Variants in ADAMTSL1 observed in about 807,000 individuals in gnomAD.
ADAMTSL1 encodes the protein ADAMTS like 1, also known as ADAMTS-like protein 1.
A neutral mutation model predicts 201.8 loss-of-function variants in ADAMTSL1; 126 were observed. The observed-to-expected ratio is 0.62, with a 90% CI of 0.54 to 0.72. The LOEUF is 0.72. Ranked by LOEUF, ADAMTSL1 falls within the 30% of genes least tolerant of loss-of-function variation. ADAMTSL1 has a pLI of 0.00. For synonymous variants in ADAMTSL1, 1,121 were observed against 903.4 expected (o/e 1.24, Z -4.32); for missense variants, 2,679 against 2,277.8 (o/e 1.18, Z -3.59).
intron 2 of ADAMTSL1, among the ~76,000 whole-genome samples, chr9:18,223,916 G>T (rs1385261956): frequency 6.6e-6 from 1 of 151,992 alleles, no homozygotes; most frequent in African/African-American, 2.4e-5. Flanking sequence ...TTTTCCTCTG[G>T]TAGGCATTTG....
intron 1 of ADAMTSL1, among the ~76,000 whole-genome samples, chr9:17,973,502 C>G (rs112439535): frequency 0.086 from 9,577 of 110,820 alleles, 496 homozygotes; most frequent in Middle Eastern, 0.17. Context: ...TCTGAGGGCT[C>G]TGTTCTGTTC....
At chr9:18,654,984 G>A (rs907854541) in intron 7 of ADAMTSL1, among the ~76,000 whole-genome samples, 5 of 152,316 alleles carry the variant, frequency 3.3e-5, no homozygotes, top group Non-Finnish European at 4.4e-5. Context: ...TGAGAGCAGC[G>A]ACTGAACAGC....
chr9:18,232,858 A>T (rs780421695), intron 2 of ADAMTSL1, among the ~76,000 whole-genome samples: 5 of 152,186 alleles, frequency 3.3e-5, no homozygotes, highest in Admixed American at 1.3e-4. Context: ...ACAACAAACT[A>T]CTTTGATATT....
rs560378704 is a variant in ADAMTSL1 at position 18,637,761 on chromosome 9, C to G, written c.677-1493C>G. ...TGCTCTTCACTCCCAGAAGCTGGTA[C>G]AGTGTGAAACCAACCTTAAATATTT... On this transcript the variant is annotated intron_variant, in intron 6 of 28. Coordinates refer to ENST00000380548, the MANE Select transcript of ADAMTSL1 (RefSeq NM_001040272.6). Among the ~76,000 whole-genome samples the G allele has an allele frequency of 9.2e-5, 14 of 152,124 alleles. No homozygotes were observed. In the South Asian group the frequency reaches 2.9e-3, roughly 32 times the overall value.
At position 18,001,558 on chromosome 9, in the gene ADAMTSL1, G is replaced by T. The variant is rs1819612591; in HGVS notation, c.87+94636G>T. The stretch of plus-strand genomic sequence containing the variant: ...TAATCTTAGAACGGGCTGATTCAAA[G>T]AAGGTTTCCAGGAAGAAAAATCTCC... On this transcript the variant is annotated intron_variant, in intron 1 of 29. Transcript: ENST00000680146. 2.0e-5 allele frequency among the ~76,000 whole-genome samples: 3 copies of T among 152,098 alleles called. No homozygotes were observed. The South Asian group carries it at 6.2e-4, about 32-fold the overall frequency.
At chr9:18,425,859 G>GAAAAAAAA (rs71304881) in intron 2 of ADAMTSL1, among the ~76,000 whole-genome samples, 1 of 94,608 alleles carries the variant, frequency 1.1e-5, no homozygotes, top group African/African-American at 4.4e-5. Context: ...CCTGTCTCAA[G>GAAAAAAAA]AAAAAAAAAA....
chr9:18,893,769 G>C (rs1829442407), intron 26 of ADAMTSL1, among the ~76,000 whole-genome samples: 3 of 152,184 alleles, frequency 2.0e-5, no homozygotes, highest in African/African-American at 7.2e-5. Flanking sequence ...TTCCACTCCT[G>C]TGAGACACAA....
At chr9:18,117,080 T>C (rs1825283306) in intron 1 of ADAMTSL1, among the ~76,000 whole-genome samples, 1 of 152,204 alleles carries the variant, frequency 6.6e-6, no homozygotes, top group South Asian at 2.1e-4. Context: ...CTTTAGAATA[T>C]GTCCAGAATC....
chr9:18,557,182 G>A (rs1821158138), intron 3 of ADAMTSL1, among the ~76,000 whole-genome samples: 1 of 151,888 alleles, frequency 6.6e-6, no homozygotes, highest in Non-Finnish European at 1.5e-5. Flanking sequence ...TCTCTCTTTG[G>A]ACAATGTGAC....
chr9:18,160,944 T>C (rs1253285274), intron 1 of ADAMTSL1, among the ~76,000 whole-genome samples: 2 of 150,366 alleles, frequency 1.3e-5, no homozygotes, highest in African/African-American at 4.9e-5. Context: ...TGCCTCAGCC[T>C]CTCAAAGTGC....
At position 18,195,939 on chromosome 9, in the gene ADAMTSL1, G is replaced by T. The variant is rs981732574; in HGVS notation, c.207+31958G>T. On this transcript the variant is annotated intron_variant, in intron 2 of 29. Coordinates refer to the ADAMTSL1 transcript ENST00000680146. ...TTGGAAATTATTTTAGCTGATTCAC[G>T]TCCTGTGAAAAGTTAAAAACTGTAT... 3.3e-5 allele frequency among the ~76,000 whole-genome samples: 5 copies of T among 151,890 alleles called. No homozygotes were observed. In the East Asian group the frequency reaches 7.7e-4, roughly 23 times the overall value.
intron 1 of ADAMTSL1, among the ~76,000 whole-genome samples, chr9:17,927,057 C>A (rs7847223): frequency 6.6e-6 from 1 of 152,146 alleles, no homozygotes; most frequent in Non-Finnish European, 1.5e-5. Context: ...AACAACTCCT[C>A]GTTCTTTTCT....
intron 14 of ADAMTSL1, among the ~76,000 whole-genome samples, chr9:18,710,404 CAG>C (rs1417440156): frequency 6.6e-6 from 1 of 152,228 alleles, no homozygotes; most frequent in East Asian, 1.9e-4. Context: ...CCTGTGATAA[CAG>C]AGATTTAACA....
chr9:17,916,217 C>G (rs114658758), intron 1 of ADAMTSL1, among the ~76,000 whole-genome samples: 1,976 of 152,292 alleles, frequency 0.013, 45 homozygotes, highest in African/African-American at 0.044. Context: ...CACCACCCAG[C>G]CACTATGAAT....
intron 2 of ADAMTSL1, among the ~76,000 whole-genome samples, chr9:18,385,774 CA>C (rs1229434897): frequency 1.3e-5 from 2 of 152,136 alleles, no homozygotes; most frequent in Non-Finnish European, 2.9e-5. Flanking sequence ...TTCCCCACTC[CA>C]GTAGTATTTG....
intron 25 of ADAMTSL1, 116 bp downstream of exon 25, chr9:18,889,864 A>T (rs1829138985): frequency 1.8e-6 from 2 of 1,084,954 alleles, no homozygotes; most frequent in South Asian, 5.1e-5. Flanking sequence ...CCAGCCAAGG[A>T]GCTGTTCTTC....
At chr9:18,393,807 G>A (rs1817633867) in intron 2 of ADAMTSL1, among the ~76,000 whole-genome samples, 1 of 152,132 alleles carries the variant, frequency 6.6e-6, no homozygotes. Flanking sequence ...CAACCTTGAA[G>A]GAAACAAGGC....
chr9:18,555,960 C>T (rs931440081), intron 3 of ADAMTSL1, among the ~76,000 whole-genome samples: 2 of 151,796 alleles, frequency 1.3e-5, no homozygotes, highest in South Asian at 2.1e-4. Context: ...TTCCTATGAA[C>T]GTTGTGCACA....
chr9:18,579,238 C>A (rs1294237716), intron 4 of ADAMTSL1, among the ~76,000 whole-genome samples: 1 of 149,596 alleles, frequency 6.7e-6, no homozygotes, highest in African/African-American at 2.5e-5. Context: ...AGTAAACTAT[C>A]GCAAGAACAA....
Sources: gnomAD v4.1 joint callset for allele counts (sites outside exome capture counted in the v4.1 genomes callset) on GRCh38, gnomAD v4.1.1 for gene constraint, MANE v1.5 for transcripts, NCBI Gene and HGNC (gene_info 2026-07-23, HGNC 2026-07-21) for gene names.